ARMH3: variants seen among roughly 807,000 people sequenced by gnomAD.
ARMH3 encodes armadillo-like helical domain-containing protein 3.
ARMH3 carries 60 observed loss-of-function variants against 99.1 expected under a neutral mutation model. That is an observed-to-expected ratio of 0.61 (90% CI 0.49 to 0.75). The LOEUF (loss-of-function observed/expected upper bound fraction) is 0.75. Among genes scored for constraint, ARMH3 ranks in the 30% least tolerant of loss-of-function variants. The pLI is 0.00. For synonymous variants in ARMH3, 285 were observed against 292.8 expected, an observed-to-expected ratio of 0.97 and a Z score of 0.27; for missense variants, 679 against 843.1, an observed-to-expected ratio of 0.81 and a Z score of 2.41.
intron 10 of ARMH3, 151 bp downstream of exon 10, chr10:102,012,682 G>A (rs2066657384): frequency 3.1e-6 from 2 of 640,700 alleles, no homozygotes; most frequent in East Asian, 6.3e-5. Flanking sequence ...AGGCCATCAA[G>A]CAAAGCTAGA....
intron 2 of ARMH3, among the ~76,000 whole-genome samples, chr10:102,038,071 C>T (rs1280094402): frequency 7.5e-5 from 11 of 147,334 alleles, no homozygotes; most frequent in East Asian, 2.0e-4. Context: ...ACCAAGCTTG[C>T]GTAAAAAAGA....
intron 4 of ARMH3, among the ~76,000 whole-genome samples, chr10:102,030,848 T>TG (rs1298021386): frequency 2.0e-5 from 3 of 151,984 alleles, no homozygotes; most frequent in African/African-American, 7.2e-5. Context: ...GTGGCGTGAG[T>TG]GATCCCGCCT....
intron 24 of ARMH3, among the ~76,000 whole-genome samples, chr10:101,873,133 G>A (rs2067171982): frequency 1.3e-5 from 2 of 150,904 alleles, no homozygotes; most frequent in Non-Finnish European, 2.9e-5. Flanking sequence ...GCCGGGCACA[G>A]TGGCTCACGT....
chr10:101,943,323 C>T (rs76316546), intron 22 of ARMH3, among the ~76,000 whole-genome samples: 3,815 of 152,244 alleles, frequency 0.025, 86 homozygotes, highest in Non-Finnish European at 0.037. Flanking sequence ...GAGGAGCTCA[C>T]GGCACGCTCC....
At chr10:101,954,018 C>T (rs372447475) in intron 22 of ARMH3, among the ~76,000 whole-genome samples, 4 of 152,170 alleles carry the variant, frequency 2.6e-5, no homozygotes, top group South Asian at 4.1e-4. Context: ...ATGGCGAAAC[C>T]CTGTCTCTAC....
intron 19 of ARMH3, among the ~76,000 whole-genome samples, chr10:101,977,592 C>T (rs1846065982): frequency 6.6e-6 from 1 of 152,218 alleles, no homozygotes; most frequent in Non-Finnish European, 1.5e-5. Flanking sequence ...CTCTCTCTAA[C>T]TCATGTTGAA....
At position 102,029,660 on chromosome 10, in the gene ARMH3, T is replaced by C; in HGVS notation, c.392A>G (p.Asp131Gly). 2 of 1,614,212 alleles carry C rather than the reference T, an allele frequency of 1.2e-6. No homozygotes were observed. The highest frequency in any genetic ancestry group is 8.5e-7 in the Non-Finnish European group (1 of 1,180,036). Residue 131 changes from aspartate to glycine, a missense_variant, in exon 5 of 26, where the codon GAC (aspartate) becomes GGC (glycine). Asp to Gly is a moderately conservative substitution (Grantham distance 94). This residue lies in a region of ARMH3 where 280 missense variants were observed against 354.6 expected (regional missense o/e 0.79). Transcript: ENST00000370033. ...CACCTTCATGCACAGCTCCGCCTTG[T>C]CAAAGCCCATCAGCATGTTGATAAT... ...FDIINMLMGF[D>G]KAELCMKNLM...
intron 8 of ARMH3, among the ~76,000 whole-genome samples, chr10:102,020,192 A>G (rs2066848324): frequency 6.6e-6 from 1 of 152,080 alleles, no homozygotes; most frequent in South Asian, 2.1e-4. Context: ...CTATTGAAGA[A>G]AGAAAAAATT....
Position 102,013,989 on chromosome 10 carries a change from C to T in ARMH3, c.705G>A (p.Val235=). The T allele has an allele frequency of 1.2e-6, 2 of 1,611,404 alleles. No individual in the cohort carries two copies. The highest frequency in any genetic ancestry group is 1.7e-6 in the Non-Finnish European group (2 of 1,178,574). ...VNPYIVKLSI[V]DDEATLNGMG... ...TCACATTGAGTGTGGCCTCATCATC[C>T]ACGATAGACAGCTTCACAATATAAG... The change falls in exon 9 of 26, where the codon GTG becomes GTA. Residue 235 remains valine (V), a synonymous_variant. Transcript: ENST00000370033.
intron 20 of ARMH3, among the ~76,000 whole-genome samples, chr10:101,967,234 A>G (rs965235205): frequency 6.6e-6 from 1 of 152,208 alleles, no homozygotes; most frequent in African/African-American, 2.4e-5. Flanking sequence ...GAGAGAAGTC[A>G]AGAAACTCAA....
chr10:101,876,020 G>A (rs369682148), intron 24 of ARMH3, among the ~76,000 whole-genome samples: 7 of 151,918 alleles, frequency 4.6e-5, no homozygotes, highest in South Asian at 2.1e-4. Flanking sequence ...AGGCCGAGTC[G>A]GGCAGATCAC....
chr10:101,849,869 GT>G lies in ARMH3; in HGVS notation c.1883del (p.Asn628ThrfsTer7). On this transcript the variant is annotated frameshift_variant, in exon 25 of 26. Coordinates refer to ENST00000370033, the MANE Select transcript of ARMH3 (RefSeq NM_024541.3). LOFTEE classifies it high-confidence loss of function. Reference sequence around the variant, plus strand: ...GCAGCTTCAGCGTGAGCGTGTCATAGTTGGCTCTCACCACCTCCAGCACCTG... The same window carrying G: ...GCAGCTTCAGCGTGAGCGTGTCATAGTGGCTCTCACCACCTCCAGCACCTG... ...EEQVLEVVRA[N>X]YDTLTLKLQD... The G allele has an allele frequency of 2.5e-6, 4 of 1,614,080 alleles. No individual in the cohort carries two copies. Among genetic ancestry groups the G allele is most frequent in the Non-Finnish European group, 3.4e-6 (4 of 1,179,990 alleles).
chr10:102,003,869 A>G (rs1203890645), intron 14 of ARMH3, among the ~76,000 whole-genome samples: 1 of 152,222 alleles, frequency 6.6e-6, no homozygotes, highest in Non-Finnish European at 1.5e-5. Flanking sequence ...TAAGACAAAT[A>G]TATTTTTATG....
intron 23 of ARMH3, among the ~76,000 whole-genome samples, chr10:101,926,977 C>T (rs577513485): frequency 2.0e-5 from 3 of 152,132 alleles, no homozygotes; most frequent in Non-Finnish European, 4.4e-5. Context: ...CTTCTCATCC[C>T]TATGACCCCA....
rs944650671 is a variant in ARMH3, at chr10:102,011,930, T to C, written c.771-147A>G. 3.9e-5 allele frequency: 24 copies of C among 622,868 alleles called. No homozygotes were observed. The East Asian group carries it at 6.5e-4, about 17-fold the overall frequency. The allele number at this position is 622,868 out of a possible 1,614,324, so 38.6% of individuals were successfully genotyped here. A position where few individuals can be genotyped will look rare whatever the true frequency, so the allele number is the denominator to read the frequency against. On this transcript the variant is annotated intron_variant, in intron 10 of 25. Coordinates refer to ENST00000370033, the MANE Select transcript of ARMH3 (RefSeq NM_024541.3). Reference sequence around the variant, plus strand: ...TTATGACAATCAAGCATCATGACAATCCCTGCAAGCTAAGAGTCACCTGTC... The same window carrying C: ...TTATGACAATCAAGCATCATGACAACCCCTGCAAGCTAAGAGTCACCTGTC...
chr10:101,878,575 G>A (rs1283592096), intron 24 of ARMH3, among the ~76,000 whole-genome samples: 2 of 151,694 alleles, frequency 1.3e-5, no homozygotes, highest in Non-Finnish European at 2.9e-5. Flanking sequence ...GGAGCTCGAG[G>A]TTGCAGTCAG....
chr10:102,008,037 T>C (rs1410339490), intron 13 of ARMH3, among the ~76,000 whole-genome samples: 1 of 152,140 alleles, frequency 6.6e-6, no homozygotes, highest in Non-Finnish European at 1.5e-5. Flanking sequence ...AGCTGAGTGA[T>C]AGCTGTTTTT....
chr10:101,864,076 AAAACACAC>A (rs1361293611), intron 24 of ARMH3, among the ~76,000 whole-genome samples: 3 of 128,196 alleles, frequency 2.3e-5, no homozygotes, highest in African/African-American at 8.4e-5. Context: ...AAAAAAAAAA[AAAACACAC>A]ACACACACAC....
intron 22 of ARMH3, among the ~76,000 whole-genome samples, chr10:101,940,471 C>CT (rs1175100431): frequency 2.0e-5 from 3 of 151,474 alleles, no homozygotes; most frequent in Non-Finnish European, 4.4e-5. Context: ...TTTAATTATA[C>CT]TTTAAGTTCT....
Sources: gnomAD v4.1 joint callset for allele counts (sites outside exome capture counted in the v4.1 genomes callset) on GRCh38, gnomAD v4.1.1 for gene constraint, gnomAD v4.1.1 regional missense constraint, MANE v1.5 for transcripts, NCBI Gene and HGNC (gene_info 2026-07-23, HGNC 2026-07-21) for gene names.